The following PODNL1 variants were observed in gnomAD, a reference collection of about 807,000 sequenced individuals.
PODNL1 encodes podocan like 1.
Under a neutral mutation model 45.1 loss-of-function variants are expected in PODNL1, and 50 were observed. That is an observed-to-expected ratio of 1.11 (90% CI 0.88 to 1.40). The LOEUF (loss-of-function observed/expected upper bound fraction) is 1.40. Among genes scored for constraint, PODNL1 ranks in the 40% most tolerant of loss-of-function variants. The probability of loss-of-function intolerance (pLI) is 0.00; values close to 1 mark genes in which losing one functional copy is unlikely to be tolerated. For missense variants in PODNL1, 788 were observed against 793.3 expected (o/e 0.99, Z 0.08); for synonymous variants, 406 against 372.5 (o/e 1.09, Z -1.04).
intron 1 of PODNL1, among the ~76,000 whole-genome samples, chr19:13,946,120 C>A (rs1229441243): frequency 1.3e-5 from 2 of 152,072 alleles, no homozygotes; most frequent in Non-Finnish European, 2.9e-5. Context: ...TACTGGGAAG[C>A]CACATGTTCA....
rs372890896 is a variant in PODNL1, at chr19:13,933,320, G to A, written c.903C>T (p.His301=). The change falls in exon 8 of 10, where the codon CAC becomes CAT. Residue 301 remains histidine (H), a synonymous_variant. Coordinates refer to ENST00000588872, the MANE Select transcript of PODNL1 (RefSeq NM_001370095.3). The surrounding 1 kb of genome is among the most constrained non-coding windows in gnomAD (Gnocchi z 5.2). Reference sequence around the variant, plus strand: ...ACAAATAGCGCAGACCACGCGCCCCGTGCAGCCGAGCCGCCTCCACCTGCC... The same window carrying A: ...ACAAATAGCGCAGACCACGCGCCCCATGCAGCCGAGCCGCCTCCACCTGCC... The part of the protein sequence containing the change: ...RIRQVEAARL[H]GARGLRYLLL... 3.0e-4 allele frequency: 481 copies of A among 1,598,668 alleles called. 1 individual carries two copies. Among genetic ancestry groups the A allele is most frequent in the Middle Eastern group, 1.5e-3 (9 of 6,056 alleles).
Position 13,933,915 on chromosome 19 carries a change from G to A in PODNL1, c.730C>T (p.Gln244Ter), listed in dbSNP as rs1972140717. The A allele has an allele frequency of 3.7e-6, 6 of 1,612,296 alleles. No homozygotes were observed. Among genetic ancestry groups the A allele is most frequent in the Non-Finnish European group, 5.1e-6 (6 of 1,179,278 alleles). Residue 244 changes from glutamine to a stop codon, truncating the protein, a stop_gained, in exon 7 of 10, where the codon CAG becomes TAG. Transcript: ENST00000588872. LOFTEE classifies it high-confidence loss of function. This position sits in a 1 kb window ranked among gnomAD's most constrained non-coding sequence, Gnocchi z 5.2. ...GCATCCAGGCCACTGTCTGTCAGCT[G>A]GTTGTGCTGGAGGTAGAGCTCACGG... ...QLRELYLQHN[Q>*]LTDSGLDATT...
In PODNL1 at chr19:13,934,268, G is replaced by A. The variant is rs1205118243; in HGVS notation, c.637C>T (p.Arg213Trp). 7 of 1,515,044 alleles carry A rather than the reference G, an allele frequency of 4.6e-6. No individual in the cohort carries two copies. Among genetic ancestry groups the A allele is most frequent in the East Asian group, 2.3e-5 (1 of 43,256 alleles). The allele number at this position is 1,515,044 out of a possible 1,614,324, so 93.9% of individuals were successfully genotyped here. ...LPPSLPPSLERLHLQNNLISK... is the reference protein window; with the variant it reads ...LPPSLPPSLEWLHLQNNLISK... ...AGCAGGGCTACCTGCAGGTGGAGCC[G>A]CTCGAGTGAGGGCGGCAGGCTGGGC... is the stretch of plus-strand genomic sequence containing the variant. Residue 213 changes from arginine to tryptophan, a missense_variant, in exon 6 of 10, where the codon CGG becomes TGG. By Grantham distance (101) the Arg-to-Trp change is moderately radical (BLOSUM62 -3). Transcript: ENST00000588872.
At chr19:13,948,690 G>A (rs988520649) in intron 1 of PODNL1, among the ~76,000 whole-genome samples, 4 of 148,866 alleles carry the variant, frequency 2.7e-5, no homozygotes, top group African/African-American at 1.0e-4. Flanking sequence ...CAGCGCTTTG[G>A]GAAGCCAAGG....
In PODNL1 at chr19:13,937,732, C is replaced by CT. The variant is rs140559249; in HGVS notation, c.225+52dup. The CT allele has an allele frequency of 4.0e-3, 6,038 of 1,513,222 alleles. 186 individuals are homozygous for CT. The African/African-American group carries it at 0.067, about 17-fold the overall frequency. The allele number at this position is 1,513,222 out of a possible 1,614,324, so 93.7% of individuals were successfully genotyped here. On this transcript the variant is annotated intron_variant, in intron 2 of 9. Coordinates refer to ENST00000588872, the MANE Select transcript of PODNL1 (RefSeq NM_001370095.3). ...GCTCTGGGGCACCCCTCCAGCTCCC[C>CT]TCACCACTGGGTCTCAGCCCTGCAT...
At chr19:13,952,675 C>T in intron 1 of PODNL1, 1 of 1,123,862 alleles carries the variant, frequency 8.9e-7, no homozygotes. Context: ...GGGGAGCGCG[C>T]CGGAGGGTGG....
intron 5 of PODNL1, 87 bp from the exon 6 acceptor site, chr19:13,934,497 C>CTG (rs1491352691): frequency 1.7e-6 from 2 of 1,210,886 alleles, no homozygotes; most frequent in African/African-American, 3.3e-5. Context: ...GGGTCGCCTT[C>CTG]AGTGTGTGTG....
rs566750344 is a variant in PODNL1, at chr19:13,950,101, C to T, written c.18+3018G>A. On this transcript the variant is annotated intron_variant, in intron 1 of 7. Transcript: ENST00000538371. The stretch of plus-strand genomic sequence containing the variant: ...GCCAGGATGGTCTCAGTCTCATGAC[C>T]TTGTGATCTGCCCACCTCAGCCTCC... Among the ~76,000 whole-genome samples the T allele has an allele frequency of 2.0e-5, 3 of 152,072 alleles. No individual in the cohort carries two copies. In the South Asian group the frequency reaches 6.2e-4, roughly 32 times the overall value.
At chr19:13,939,868 C>CAATAATAATAATAATAATAATAATAAT (rs59993623), upstream of PODNL1, 6 of 150,552 alleles carry the variant, frequency 4.0e-5, no homozygotes, top group African/African-American at 1.5e-4. Flanking sequence ...AACTCTGTTT[C>CAATAATAATAATAATAATAATAATAAT]AATAATAATA....
At chr19:13,948,671 C>A (rs956921191) in intron 1 of PODNL1, among the ~76,000 whole-genome samples, 1 of 149,406 alleles carries the variant, frequency 6.7e-6, no homozygotes, top group Non-Finnish European at 1.5e-5. Context: ...TGGCTCACGC[C>A]TGTAATCCCA....
At position 13,933,988 on chromosome 19, in the gene PODNL1, A is replaced by T; in HGVS notation, c.657T>A (p.Asn219Lys). The T allele has an allele frequency of 6.2e-7, 1 of 1,602,896 alleles. No homozygotes were observed. Among genetic ancestry groups the T allele is most frequent in the Non-Finnish European group, 8.5e-7 (1 of 1,174,724 alleles). Residue 219 changes from asparagine to lysine, a missense_variant, in exon 7 of 10, where the codon AAT (asparagine) becomes AAA (lysine). By Grantham distance (94) the Asn-to-Lys change is moderately conservative. Transcript: ENST00000588872. The surrounding 1 kb of genome is among the most constrained non-coding windows in gnomAD (Gnocchi z 5.2). ...CTCCTCGGGGCACCTTGGAGATGAG[A>T]TTGTTCTGGAGAAGGAAGAAGAGAA... ...PSLERLHLQN[N>K]LISKVPRGAL... is the part of the protein sequence containing the mutation.
intron 3 of PODNL1, 106 bp downstream of exon 3, chr19:13,936,261 G>T: frequency 8.4e-7 from 1 of 1,197,082 alleles, no homozygotes; most frequent in South Asian, 1.3e-5. Context: ...GCAGTTCTGG[G>T]AACTGCCACA....
chr19:13,943,011 G>A (rs1014680362), upstream of PODNL1, among the ~76,000 whole-genome samples: 1 of 149,486 alleles, frequency 6.7e-6, no homozygotes, highest in African/African-American at 2.5e-5. Flanking sequence ...AAAAAAGACA[G>A]AAAGGGCCAG....
intron 1 of PODNL1, among the ~76,000 whole-genome samples, chr19:13,945,088 T>C (rs1013311672): frequency 6.6e-6 from 1 of 152,134 alleles, no homozygotes; most frequent in African/African-American, 2.4e-5. Context: ...TTTTATTTTG[T>C]TTTTTAAGAG....
Position 13,933,997 on chromosome 19 carries a change from G to C in PODNL1, c.652-4C>G, listed in dbSNP as rs754054550. 142 of 1,595,874 alleles carry C rather than the reference G, an allele frequency of 8.9e-5. No homozygotes were observed. The highest frequency in any genetic ancestry group is 1.1e-4 in the Non-Finnish European group (133 of 1,171,044). ...GCACCTTGGAGATGAGATTGTTCTGGAGAAGGAAGAAGAGAATGAGACTTG... is the reference window on the plus strand; with the variant it reads ...GCACCTTGGAGATGAGATTGTTCTGCAGAAGGAAGAAGAGAATGAGACTTG... On this transcript the variant is annotated splice_region_variant and splice_polypyrimidine_tract_variant and intron_variant, in intron 6 of 9. Transcript: ENST00000588872. This position sits in a 1 kb window ranked among gnomAD's most constrained non-coding sequence, Gnocchi z 5.2.
intron 5 of PODNL1, 40 bp from the exon 6 acceptor site, chr19:13,934,450 C>A (rs1172933148): frequency 6.8e-7 from 1 of 1,462,002 alleles, no homozygotes; most frequent in Non-Finnish European, 9.0e-7. Context: ...CTGCCCCTCG[C>A]CTCCTACCAC....
At chr19:13,935,590 G>C in intron 5 of PODNL1, 131 bp downstream of exon 5, 1 of 636,672 alleles carries the variant, frequency 1.6e-6, no homozygotes, top group East Asian at 3.3e-5. Flanking sequence ...GCCTCCCAAA[G>C]TGCTAGGATT....
rs549534457 is a variant in PODNL1 at position 13,934,364 on chromosome 19, G to C, written c.541C>G (p.Pro181Ala). 6.4e-7 allele frequency: 1 copy of C among 1,555,432 alleles called. No individual in the cohort carries two copies. The highest frequency in any genetic ancestry group is 2.3e-5 in the East Asian group (1 of 43,510). ...NNQLSNAGLP[P>A]DAFRGSEAIA... ...GCCTCGGAGCCGCGGAAGGCGTCGG[G>C]GGGCAGGCCAGCGTTGCTCAGCTGG... is the stretch of plus-strand genomic sequence containing the variant. The change falls in exon 6 of 10, where the codon CCC (proline) becomes GCC (alanine). Residue 181 changes from proline to alanine, a missense_variant. Pro to Ala is a conservative substitution (Grantham distance 27). This residue lies in a region of PODNL1 where 762 missense variants were observed against 750.9 expected (regional missense o/e 1.01). Coordinates refer to ENST00000588872, the MANE Select transcript of PODNL1 (RefSeq NM_001370095.3).
In PODNL1 at chr19:13,933,090, G is replaced by A. The variant is rs369158440; in HGVS notation, c.1133C>T (p.Thr378Met). 6.5e-5 allele frequency: 99 copies of A among 1,530,772 alleles called. No individual in the cohort carries two copies. Among genetic ancestry groups the A allele is most frequent in the African/African-American group, 1.1e-4 (8 of 73,178 alleles). 94.8% of individuals were successfully genotyped at this position (1,530,772 alleles called of 1,614,324 possible). A position where few individuals can be genotyped will look rare whatever the true frequency, so the allele number is the denominator to read the frequency against. ...GCGGTTATAGGCCAGGTTAAGCTCCGTCAGGCCCGGTGTGGCGACCAGGTC... is the reference window on the plus strand; with the variant it reads ...GCGGTTATAGGCCAGGTTAAGCTCCATCAGGCCCGGTGTGGCGACCAGGTC... ...ARDLVATPGL[T>M]ELNLAYNRLA... Residue 378 changes from threonine to methionine, a missense_variant, in exon 8 of 10, where the codon ACG (threonine) becomes ATG (methionine). By Grantham distance (81) the Thr-to-Met change is moderately conservative. Transcript: ENST00000588872. The surrounding 1 kb of genome is among the most constrained non-coding windows in gnomAD (Gnocchi z 5.2).
Sources: allele counts gnomAD v4.1 joint callset (sites outside exome capture counted in the v4.1 genomes callset), GRCh38; gene constraint gnomAD v4.1.1; regional missense constraint gnomAD v4.1.1; non-coding constraint Gnocchi (gnomAD v3.1); transcripts MANE v1.5; gene names NCBI Gene and HGNC (gene_info 2026-07-23, HGNC 2026-07-21).